Variants in AP5Z1 observed in about 807,000 individuals in gnomAD.
The protein encoded by AP5Z1 is AP-5 complex subunit zeta-1.
Under a neutral mutation model 83.0 loss-of-function variants are expected in AP5Z1, and 106 were observed. The ratio of observed to expected loss-of-function variants is 1.28; its 90% CI spans 1.09 to 1.50. The LOEUF is 1.50. Ranked by LOEUF, AP5Z1 falls within the 40% of genes most tolerant of loss-of-function variation. The pLI is 0.00. For synonymous variants in AP5Z1, 751 were observed against 514.1 expected, an observed-to-expected ratio of 1.46 and a Z score of -6.23; for missense variants, 1,565 against 1,094.2, an observed-to-expected ratio of 1.43 and a Z score of -6.07.
intron 1 of AP5Z1, among the ~76,000 whole-genome samples, chr7:4,778,377 G>A (rs2115097218): frequency 6.6e-6 from 1 of 152,296 alleles, no homozygotes; most frequent in East Asian, 1.9e-4. Flanking sequence ...ATGGGGGCAT[G>A]GAGGGGTGCC....
Position 4,785,511 on chromosome 7 carries a change from A to G in AP5Z1, c.970-11A>G, listed in dbSNP as rs756736904. 3 of 1,613,460 alleles carry G rather than the reference A, an allele frequency of 1.9e-6. No individual in the cohort carries two copies. The highest frequency in any genetic ancestry group is 2.2e-5 in the East Asian group (1 of 44,878). ...CGACTCGGCCCATTTGATGTGGTCCATGTCCCGCAGTGCCTGGTGGAGGCC... is the reference window on the plus strand; with the variant it reads ...CGACTCGGCCCATTTGATGTGGTCCGTGTCCCGCAGTGCCTGGTGGAGGCC... On this transcript the variant is annotated splice_polypyrimidine_tract_variant and intron_variant, in intron 8 of 16. Transcript: ENST00000649063.
intron 14 of AP5Z1, chr7:4,790,171 T>G (rs1385053217): frequency 3.3e-6 from 5 of 1,525,788 alleles, no homozygotes; most frequent in Non-Finnish European, 4.4e-6. Context: ...TTAGCTCAGG[T>G]CCCTCTTCCC....
rs2292497 is a variant in AP5Z1, at chr7:4,785,096, T to C, written c.931+48T>C. 5.4e-4 allele frequency: 834 copies of C among 1,547,594 alleles called. 11 individuals carry two copies. The East Asian group carries it at 0.017, about 32-fold the overall frequency. Reference sequence around the variant, plus strand: ...TGGCCTCCCCAGGGCTCGACGCACCTGCTCTGCAAGGCCACCTGAGGCCAG... The same window carrying C: ...TGGCCTCCCCAGGGCTCGACGCACCCGCTCTGCAAGGCCACCTGAGGCCAG... On this transcript the variant is annotated intron_variant, in intron 7 of 16. Transcript: ENST00000649063.
chr7:4,781,771 C>G lies in AP5Z1; in HGVS notation c.366+17C>G. ...TTGGCCCAGGTAGCGCAGCAGTCAC[C>G]ACCCCAGTTGGCACCGGATGGCTGC... On this transcript the variant is annotated intron_variant, in intron 3 of 16. Transcript: ENST00000649063. 2.0e-6 allele frequency: 3 copies of G among 1,536,642 alleles called. No individual in the cohort carries two copies. The highest frequency in any genetic ancestry group is 2.6e-6 in the Non-Finnish European group (3 of 1,133,516).
chr7:4,787,475 G>C, intron 10 of AP5Z1, 159 bp from the exon 11 acceptor site: 1 of 1,113,494 alleles, frequency 9.0e-7, no homozygotes, highest in Non-Finnish European at 1.2e-6. Flanking sequence ...GACAGAGCAA[G>C]ACCCTGTCTC....
At chr7:4,784,411 G>A (rs1781475315) in intron 6 of AP5Z1, 40 bp downstream of exon 6, 14 of 1,548,034 alleles carry the variant, frequency 9.0e-6, no homozygotes, top group Non-Finnish European at 1.1e-5. Flanking sequence ...AGGGGTGGGA[G>A]GTGGGCGCAC....
chr7:4,789,729 C>G, intron 13 of AP5Z1, 103 bp from the exon 14 acceptor site: 2 of 818,268 alleles, frequency 2.4e-6, no homozygotes, highest in African/African-American at 1.7e-5. Flanking sequence ...CGAGGAGTCT[C>G]CAGCCCCTCA....
rs779038735 is a variant in AP5Z1 at position 4,785,465 on chromosome 7, G to A, written c.969+13G>A. On this transcript the variant is annotated intron_variant, in intron 8 of 16. Coordinates refer to ENST00000649063, the MANE Select transcript of AP5Z1 (RefSeq NM_014855.3). ...CCTGCAGAAAGCTGTAAGTGGCTGG[G>A]GACCAGGGGATGGGAGGCAGCGACT... 1.2e-6 allele frequency: 2 copies of A among 1,613,222 alleles called. No individual in the cohort carries two copies. Among genetic ancestry groups the A allele is most frequent in the East Asian group, 2.2e-5 (1 of 44,866 alleles).
In AP5Z1 at chr7:4,788,421, C is replaced by G. The variant is rs578189925; in HGVS notation, c.1595+127C>G. On this transcript the variant is annotated intron_variant, in intron 12 of 16. Transcript: ENST00000649063. ...CTTTGTGTCCCACACAAGGCTGCGT[C>G]CCCGTCATCACCATTATAGAGGCCC... 4.1e-6 allele frequency: 5 copies of G among 1,214,826 alleles called. No individual in the cohort carries two copies. The African/African-American group carries it at 7.7e-5, about 19-fold the overall frequency. 75.3% of individuals were successfully genotyped at this position (1,214,826 alleles called of 1,614,324 possible). A position where few individuals can be genotyped will look rare whatever the true frequency, so the allele number is the denominator to read the frequency against.
In AP5Z1 at chr7:4,784,972, C is replaced by T. The variant is rs755824443; in HGVS notation, c.855C>T (p.Arg285=). The T allele has an allele frequency of 4.3e-6, 7 of 1,612,210 alleles. No homozygotes were observed. In the East Asian group the frequency reaches 1.3e-4, roughly 31 times the overall value. The change falls in exon 7 of 17, where the codon CGC becomes CGT. Residue 285 remains arginine, a synonymous_variant. Coordinates refer to ENST00000649063, the MANE Select transcript of AP5Z1 (RefSeq NM_014855.3). ...SVISATSSAG[R]LLPPRERLRE... ...TCTCCGCCACCTCCTCTGCCGGCCGCCTGCTGCCGCCCCGGGAGCGGCTTC... is the reference window on the plus strand; with the variant it reads ...TCTCCGCCACCTCCTCTGCCGGCCGTCTGCTGCCGCCCCGGGAGCGGCTTC...
At chr7:4,782,548 G>A (rs1335462969) in intron 3 of AP5Z1, among the ~76,000 whole-genome samples, 2 of 151,970 alleles carry the variant, frequency 1.3e-5, no homozygotes, top group African/African-American at 4.8e-5. Context: ...TGCAGCCTGC[G>A]GTTGCTTTAG....
At position 4,789,885 on chromosome 7, in the gene AP5Z1, C is replaced by A; in HGVS notation, c.1761C>A (p.Ser587Arg). The A allele has an allele frequency of 6.4e-7, 1 of 1,552,248 alleles. No homozygotes were observed. Among genetic ancestry groups the A allele is most frequent in the Non-Finnish European group, 8.7e-7 (1 of 1,148,138 alleles). ...TGGCGCTGCTGCTCCTGGGCAGGAG[C>A]GACTCGCTCTACCCGGCCCCAGGGT... ...NQLALLLLGRSDSLYPAPGYA... is the reference protein window; with the variant it reads ...NQLALLLLGRRDSLYPAPGYA... The change falls in exon 14 of 17, where the codon AGC (serine) becomes AGA (arginine). Residue 587 changes from serine (S) to arginine (R), a missense_variant. Transcript: ENST00000649063.
At position 4,781,508 on chromosome 7, in the gene AP5Z1, C is replaced by T. The variant is rs933727184; in HGVS notation, c.180-60C>T. 3.2e-5 allele frequency: 51 copies of T among 1,572,054 alleles called. 1 individual carries two copies. The highest frequency in any genetic ancestry group is 1.4e-4 in the East Asian group (6 of 43,212). The stretch of plus-strand genomic sequence containing the variant: ...TGCCCGGCCAGGTGCTCTGGGGCAC[C>T]GGGTGCTCCTGCCACGGTCGTGACG... On this transcript the variant is annotated intron_variant, in intron 2 of 16. Coordinates refer to ENST00000649063, the MANE Select transcript of AP5Z1 (RefSeq NM_014855.3).
At chr7:4,785,875 G>A (rs1562408786) in intron 9 of AP5Z1, among the ~76,000 whole-genome samples, 191 bp downstream of exon 9, 1 of 151,344 alleles carries the variant, frequency 6.6e-6, no homozygotes, top group Non-Finnish European at 1.5e-5. Flanking sequence ...CCAAAGTGCT[G>A]GGATTACGGG....
Position 4,783,723 on chromosome 7 carries a change from C to T in AP5Z1, c.546C>T (p.Asp182=). Residue 182 remains aspartate (D), a synonymous_variant, in exon 5 of 17, where the codon GAC becomes GAT. Coordinates refer to ENST00000649063, the MANE Select transcript of AP5Z1 (RefSeq NM_014855.3). ...CCCTGCTCAGCAAGCGGCTGGTCGA[C>T]TGGCTGCGCTACGCCAGCCTCCAGC... ...QATLLSKRLV[D]WLRYASLQQG... 2.6e-6 allele frequency: 4 copies of T among 1,550,602 alleles called. No homozygotes were observed. Among genetic ancestry groups the T allele is most frequent in the Admixed American group, 3.9e-5 (2 of 51,036 alleles).
Position 4,791,113 on chromosome 7 carries a change from A to G in AP5Z1, c.2154-2A>G, listed in dbSNP as rs746050803. The G allele has an allele frequency of 6.3e-7, 1 of 1,584,044 alleles. No homozygotes were observed. The highest frequency in any genetic ancestry group is 8.6e-7 in the Non-Finnish European group (1 of 1,164,042). On this transcript the variant is annotated splice_acceptor_variant, in intron 16 of 16. Coordinates refer to ENST00000649063, the MANE Select transcript of AP5Z1 (RefSeq NM_014855.3). LOFTEE classifies it high-confidence loss of function. ...GCTGACGGAGGGACCTTCTTTCCCCAGGGCCTCTTTATTGCTGTCAAAGAT... is the reference window on the plus strand; with the variant it reads ...GCTGACGGAGGGACCTTCTTTCCCCGGGGCCTCTTTATTGCTGTCAAAGAT...
intron 4 of AP5Z1, 24 bp downstream of exon 4, chr7:4,783,484 G>C: frequency 1.2e-6 from 2 of 1,605,576 alleles, no homozygotes; most frequent in South Asian, 2.2e-5. Context: ...CTCCCAAGAG[G>C]CTGTTGGGGG....
At chr7:4,788,071 A>C in intron 11 of AP5Z1, 83 bp from the exon 12 acceptor site, 1 of 1,446,106 alleles carries the variant, frequency 6.9e-7, no homozygotes, top group South Asian at 1.5e-5. Flanking sequence ...TATTAGGGAC[A>C]CCTGCCGTGT....
chr7:4,788,035 C>G (rs999690731), intron 11 of AP5Z1, 119 bp from the exon 12 acceptor site: 1 of 1,406,400 alleles, frequency 7.1e-7, no homozygotes, highest in Admixed American at 2.8e-5. Context: ...CATGCCAAGC[C>G]CTTCCTGGCA....
Sources: allele counts gnomAD v4.1 joint callset (sites outside exome capture counted in the v4.1 genomes callset), GRCh38; gene constraint gnomAD v4.1.1; transcripts MANE v1.5; gene names NCBI Gene and HGNC (gene_info 2026-07-23, HGNC 2026-07-21).